Variants in BMPR1A observed in about 807,000 individuals in gnomAD.
BMPR1A encodes bone morphogenetic protein receptor type-1A.
Under a neutral mutation model 66.0 loss-of-function variants are expected in BMPR1A, and 7 were observed. The observed-to-expected ratio is 0.11, with a 90% CI of 0.06 to 0.20. The LOEUF is 0.20. Among genes scored for constraint, BMPR1A ranks in the 10% least tolerant of loss-of-function variants. The pLI, the probability that BMPR1A is intolerant of heterozygous loss-of-function variation, is 1.00. For synonymous variants in BMPR1A, 200 were observed against 229.7 expected, an observed-to-expected ratio of 0.87 and a Z score of 1.17; for missense variants, 408 against 669.1, an observed-to-expected ratio of 0.61 and a Z score of 4.31.
intron 2 of BMPR1A, among the ~76,000 whole-genome samples, chr10:86,859,410 C>T (rs948402774): frequency 6.6e-6 from 1 of 151,934 alleles, no homozygotes; most frequent in African/African-American, 2.4e-5. Context: ...CTCAAGTGAT[C>T]CTCCTGCCTT....
intron 1 of BMPR1A, among the ~76,000 whole-genome samples, chr10:86,784,728 G>A (rs1279654438): frequency 2.0e-5 from 3 of 152,096 alleles, no homozygotes; most frequent in Non-Finnish European, 2.9e-5. Flanking sequence ...TCGTGATTCA[G>A]TCCTGGCAGG....
intron 1 of BMPR1A, among the ~76,000 whole-genome samples, chr10:86,779,063 C>T (rs1841398077): frequency 1.3e-5 from 2 of 151,872 alleles, no homozygotes; most frequent in Non-Finnish European, 2.9e-5. Flanking sequence ...TCACCATACT[C>T]AGCCCAGATT....
chr10:86,837,886 G>A (rs1425310407), intron 1 of BMPR1A, among the ~76,000 whole-genome samples: 1 of 152,202 alleles, frequency 6.6e-6, no homozygotes, highest in African/African-American at 2.4e-5. Flanking sequence ...ACTGCTACCT[G>A]ATATGCTAGA....
intron 1 of BMPR1A, among the ~76,000 whole-genome samples, chr10:86,821,845 G>C (rs902364175): frequency 5.3e-5 from 8 of 151,456 alleles, no homozygotes; most frequent in African/African-American, 1.9e-4. Flanking sequence ...TTGGCTCTGT[G>C]CAGGCTGGAG....
chr10:86,931,258 A>AAG (rs1843805388), downstream of BMPR1A: 1 of 77,850 alleles, frequency 1.3e-5, no homozygotes, highest in East Asian at 6.2e-4. Flanking sequence ...AAAAAAAAGA[A>AAG]AAAAAAATAT....
intron 1 of BMPR1A, among the ~76,000 whole-genome samples, chr10:86,772,150 A>G (rs1293553826): frequency 4.1e-5 from 2 of 49,190 alleles, no homozygotes; most frequent in Admixed American, 2.9e-4. Context: ...TTTTTTTTTG[A>G]GACAGAGTCT....
chr10:86,840,467 TC>T (rs1842410571), intron 2 of BMPR1A, among the ~76,000 whole-genome samples: 1 of 152,194 alleles, frequency 6.6e-6, no homozygotes, highest in South Asian at 2.1e-4. Context: ...CTTTTTTCCT[TC>T]CCCTCCTACT....
intron 1 of BMPR1A, among the ~76,000 whole-genome samples, chr10:86,788,662 C>G (rs1272148294): frequency 3.3e-5 from 5 of 152,138 alleles, no homozygotes; most frequent in African/African-American, 4.8e-5. Context: ...GTTGGAGTTG[C>G]AATAGTGTGA....
At chr10:86,848,073 A>G (rs1051421820) in intron 2 of BMPR1A, among the ~76,000 whole-genome samples, 1 of 151,958 alleles carries the variant, frequency 6.6e-6, no homozygotes, top group East Asian at 1.9e-4. Context: ...CTGGGACTAC[A>G]GGCGCCTGCC....
At chr10:86,912,841 A>T (rs894490199) in intron 8 of BMPR1A, among the ~76,000 whole-genome samples, 4 of 152,066 alleles carry the variant, frequency 2.6e-5, no homozygotes, top group Non-Finnish European at 5.9e-5. Flanking sequence ...CTTAGAGAGG[A>T]TGCTTCTCTC....
chr10:86,809,448 C>T (rs922308432), intron 1 of BMPR1A, among the ~76,000 whole-genome samples: 3 of 151,938 alleles, frequency 2.0e-5, no homozygotes, highest in African/African-American at 7.3e-5. Context: ...TGCCATCACA[C>T]CTAGCTAATT....
intron 1 of BMPR1A, among the ~76,000 whole-genome samples, chr10:86,790,165 A>G (rs1841580868): frequency 4.4e-5 from 1 of 22,716 alleles, no homozygotes; most frequent in Admixed American, 6.8e-4. Flanking sequence ...CTGTCTCCAA[A>G]AAAAAAAAAA....
intron 2 of BMPR1A, among the ~76,000 whole-genome samples, chr10:86,860,095 C>T (rs117973296): frequency 2.2e-4 from 33 of 151,664 alleles, no homozygotes; most frequent in Non-Finnish European, 4.1e-4. Context: ...AATCTGATTG[C>T]ACCTGTGAAT....
chr10:86,790,461 A>G (rs992570832), intron 1 of BMPR1A, among the ~76,000 whole-genome samples: 4 of 151,882 alleles, frequency 2.6e-5, no homozygotes, highest in Admixed American at 1.3e-4. Flanking sequence ...ATATATATCC[A>G]AAAGCATTAA....
At chr10:86,839,379 G>A (rs944670459) in intron 2 of BMPR1A, among the ~76,000 whole-genome samples, 5 of 151,990 alleles carry the variant, frequency 3.3e-5, no homozygotes, top group African/African-American at 7.3e-5. Context: ...GGTCACATGA[G>A]GCCAGGAGTT....
At chr10:86,761,346 A>G (rs565152652) in intron 1 of BMPR1A, among the ~76,000 whole-genome samples, 22 of 152,326 alleles carry the variant, frequency 1.4e-4, no homozygotes, top group African/African-American at 5.3e-4. Flanking sequence ...GATTTGTTAT[A>G]CTGTTAAAGT....
At chr10:86,790,235 A>C (rs1206481480) in intron 1 of BMPR1A, among the ~76,000 whole-genome samples, 20 of 87,820 alleles carry the variant, frequency 2.3e-4, no homozygotes, top group South Asian at 1.4e-3. Flanking sequence ...ATATATATAT[A>C]TCAAAACCAC....
At chr10:86,829,612 A>G (rs1842241390) in intron 1 of BMPR1A, among the ~76,000 whole-genome samples, 1 of 152,198 alleles carries the variant, frequency 6.6e-6, no homozygotes, top group African/African-American at 2.4e-5. Context: ...GCAGCCAGTA[A>G]TCTGCTTTTC....
At chr10:86,918,179 A>T (rs1317052686) in intron 9 of BMPR1A, among the ~76,000 whole-genome samples, 1 of 152,164 alleles carries the variant, frequency 6.6e-6, no homozygotes, top group Non-Finnish European at 1.5e-5. Flanking sequence ...ATCACCAGCC[A>T]TTGAATTCGG....
Sources: allele counts gnomAD v4.1 joint callset (sites outside exome capture counted in the v4.1 genomes callset), GRCh38; gene constraint gnomAD v4.1.1; transcripts MANE v1.5; gene names NCBI Gene and HGNC (gene_info 2026-07-23, HGNC 2026-07-21).